REDIC1: variants seen among roughly 807,000 people sequenced by gnomAD.
REDIC1 encodes the protein regulator of DNA class I crossover intermediates 1.
chr12:39,694,947 G>T, the REDIC1 span, among the ~76,000 whole-genome samples: 3 of 152,108 alleles, frequency 2.0e-5, no homozygotes, highest in African/African-American at 4.8e-5. Flanking sequence ...GAGTCATGAT[G>T]CCCCCTTTCC....
the REDIC1 span, among the ~76,000 whole-genome samples, chr12:39,726,662 C>A: frequency 6.6e-6 from 1 of 152,114 alleles, no homozygotes; most frequent in Non-Finnish European, 1.5e-5. Context: ...GATTTATAAT[C>A]CTTTGGGTAT....
At chr12:39,896,123 T>C in the REDIC1 span, among the ~76,000 whole-genome samples, 168 of 149,386 alleles carry the variant, frequency 1.1e-3, 1 homozygote, top group South Asian at 0.013. Flanking sequence ...AATGCATACA[T>C]ATATGTATAC....
the REDIC1 span, among the ~76,000 whole-genome samples, chr12:39,898,716 A>C: frequency 2.0e-5 from 3 of 152,128 alleles, no homozygotes; most frequent in Non-Finnish European, 4.4e-5. Context: ...TGACTGCTCA[A>C]TCTGGGGCAT....
the REDIC1 span, chr12:39,683,620 A>T: frequency 3.1e-6 from 2 of 642,786 alleles, no homozygotes; most frequent in Non-Finnish European, 5.4e-6. Context: ...AAGGAGCCTT[A>T]CCAGGAGTCA....
chr12:39,683,024 A>T, the REDIC1 span: 1 of 1,613,260 alleles, frequency 6.2e-7, no homozygotes, highest in African/African-American at 1.3e-5. Context: ...AAAACAAGTT[A>T]TCCAGAAAAA....
At chr12:39,648,120 C>A in the REDIC1 span, 1 of 554,006 alleles carries the variant, frequency 1.8e-6, no homozygotes, top group Non-Finnish European at 2.8e-6. Context: ...GGTTCATTCC[C>A]TTTACATCAA....
the REDIC1 span, among the ~76,000 whole-genome samples, chr12:39,806,546 A>G: frequency 1.2e-4 from 19 of 152,210 alleles, no homozygotes; most frequent in Non-Finnish European, 5.9e-5. Context: ...ACAAAAAGTC[A>G]TGTTCTCAGT....
the REDIC1 span, among the ~76,000 whole-genome samples, chr12:39,674,448 A>G: frequency 1.3e-5 from 2 of 152,224 alleles, no homozygotes; most frequent in African/African-American, 4.8e-5. Context: ...GACTCACATC[A>G]TGAACTTTTA....
chr12:39,896,995 G>T, the REDIC1 span, among the ~76,000 whole-genome samples: 1 of 152,058 alleles, frequency 6.6e-6, no homozygotes, highest in Non-Finnish European at 1.5e-5. Context: ...GAGGGGTTTA[G>T]TAAAAGAAAA....
chr12:39,794,434 C>T, the REDIC1 span, among the ~76,000 whole-genome samples: 1 of 152,120 alleles, frequency 6.6e-6, no homozygotes. Flanking sequence ...TAAATTCTGC[C>T]TAAAGGTTTC....
chr12:39,710,214 G>A, the REDIC1 span, among the ~76,000 whole-genome samples: 23 of 151,736 alleles, frequency 1.5e-4, no homozygotes, highest in African/African-American at 3.9e-4. Flanking sequence ...TAAGGTTTTC[G>A]TATCGGTATT....
At chr12:39,749,002 TAGA>T in the REDIC1 span, among the ~76,000 whole-genome samples, 3 of 151,956 alleles carry the variant, frequency 2.0e-5, no homozygotes, top group Admixed American at 6.6e-5. Context: ...ACATCACAAT[TAGA>T]AGAACTAGAG....
At chr12:39,814,687 C>T in the REDIC1 span, among the ~76,000 whole-genome samples, 1 of 152,170 alleles carries the variant, frequency 6.6e-6, no homozygotes, top group Non-Finnish European at 1.5e-5. Flanking sequence ...ACAATTACGT[C>T]TGCTATCCCT....
the REDIC1 span, among the ~76,000 whole-genome samples, chr12:39,707,195 C>T: frequency 6.6e-6 from 1 of 151,676 alleles, no homozygotes; most frequent in Admixed American, 6.6e-5. Flanking sequence ...AAGAAATAGG[C>T]CAAATATTTG....
chr12:39,713,482 T>G, the REDIC1 span, among the ~76,000 whole-genome samples: 1 of 149,832 alleles, frequency 6.7e-6, no homozygotes, highest in Non-Finnish European at 1.5e-5. Flanking sequence ...ATGTATACAT[T>G]TATACATTTG....
chr12:39,728,780 CTTTTTTT>C, the REDIC1 span, among the ~76,000 whole-genome samples: 16 of 92,188 alleles, frequency 1.7e-4, no homozygotes, highest in Admixed American at 1.4e-4. Context: ...TGGTCCTGGG[CTTTTTTT>C]TTTTTTTTTT....
the REDIC1 span, among the ~76,000 whole-genome samples, chr12:39,641,201 CA>C: frequency 6.6e-6 from 1 of 151,732 alleles, no homozygotes; most frequent in African/African-American, 2.4e-5. Context: ...CTTCTAATTC[CA>C]AAATGTATCC....
At chr12:39,857,456 C>T in the REDIC1 span, among the ~76,000 whole-genome samples, 31 of 152,296 alleles carry the variant, frequency 2.0e-4, no homozygotes, top group African/African-American at 7.5e-4. Flanking sequence ...AATCACCCAG[C>T]CTTGCCATTC....
At chr12:39,898,195 T>C in the REDIC1 span, among the ~76,000 whole-genome samples, 2 of 152,172 alleles carry the variant, frequency 1.3e-5, no homozygotes, top group African/African-American at 2.4e-5. Context: ...GTAAATATGA[T>C]GGGTTTAATG....
Sources: gnomAD v4.1 joint callset for allele counts (sites outside exome capture counted in the v4.1 genomes callset) on GRCh38, gnomAD v4.1.1 for gene constraint, MANE v1.5 for transcripts, NCBI Gene and HGNC (gene_info 2026-07-23, HGNC 2026-07-21) for gene names.